ERC1: variants seen among roughly 807,000 people sequenced by gnomAD.
ERC1 encodes the protein RAB6 interacting protein 2.
A neutral mutation model predicts 132.0 loss-of-function variants in ERC1; 56 were observed. The observed-to-expected ratio is 0.42, with a 90% CI of 0.34 to 0.53. The LOEUF (loss-of-function observed/expected upper bound fraction) is 0.53, where lower values mean the gene tolerates loss of function less well. Among genes scored for constraint, ERC1 ranks in the 20% least tolerant of loss-of-function variants. ERC1 has a pLI of 0.03. For synonymous variants in ERC1, 478 were observed against 476.1 expected (o/e 1.00, Z -0.05); for missense variants, 1,202 against 1,349.9 (o/e 0.89, Z 1.72).
chr12:1,262,786 G>C (rs528799093), intron 13 of ERC1, among the ~76,000 whole-genome samples: 1 of 152,296 alleles, frequency 6.6e-6, no homozygotes, highest in East Asian at 1.9e-4. Context: ...CTCTGTTACA[G>C]AGAGCAAATT....
In ERC1 at chr12:1,183,421, G is replaced by A; in HGVS notation, c.2157G>A (p.Lys719=). The A allele has an allele frequency of 6.5e-7, 1 of 1,550,354 alleles. No homozygotes were observed. Among genetic ancestry groups the A allele is most frequent in the Non-Finnish European group, 8.8e-7 (1 of 1,138,750 alleles). Residue 719 remains lysine, a splice_region_variant and synonymous_variant, in exon 11 of 19, where the codon AAG becomes AAA. Coordinates refer to ENST00000360905, the MANE Select transcript of ERC1 (RefSeq NM_178040.4). ...TGAAAATGGAATCACAATTGAAAAA[G>A]GTTAAAGAAAAAATTTCACATTTTT... ...ECLKMESQLK[K]AHEAALEARA... is the part of the protein sequence containing the mutation.
At chr12:1,364,611 CTCTG>C (rs2086478486) in intron 15 of ERC1, among the ~76,000 whole-genome samples, 1 of 152,214 alleles carries the variant, frequency 6.6e-6, no homozygotes, top group South Asian at 2.1e-4. Context: ...ACACTTGCCA[CTCTG>C]TCTTTCTTAT....
chr12:1,273,495 A>G (rs938412777), intron 14 of ERC1, among the ~76,000 whole-genome samples: 7 of 152,226 alleles, frequency 4.6e-5, no homozygotes, highest in Admixed American at 3.9e-4. Context: ...AAACCTCTGT[A>G]GTCTTTATAG....
Position 1,035,160 on chromosome 12 carries a change from C to T in ERC1, c.669+6588C>T, listed in dbSNP as rs1306825268. 5.3e-5 allele frequency among the ~76,000 whole-genome samples: 8 copies of T among 152,202 alleles called. No homozygotes were observed. The South Asian group carries it at 6.2e-4, about 12-fold the overall frequency. ...CAGCCAGCAGTGGGGCCTAATTAAA[C>T]TCTGCATTCATTATACCCTCCATAG... On this transcript the variant is annotated intron_variant, in intron 2 of 18. Transcript: ENST00000360905.
rs1413036993 is a variant in ERC1, at chr12:1,424,851, TA to T, written c.3024+16605del. Among the ~76,000 whole-genome samples, 415 of 122,256 alleles carry T rather than the reference TA, an allele frequency of 3.4e-3. 1 individual carries two copies. The highest frequency in any genetic ancestry group is 9.5e-3 in the African/African-American group (238 of 24,970). The allele number at this position is 122,256 out of a possible 152,430, so 80.2% of individuals were successfully genotyped here. ...GATAGATAGATAGATAGATGATAGA[TA>T]GATAGATAGATCGATAGATAGATAG... On this transcript the variant is annotated intron_variant, in intron 17 of 18. Coordinates refer to ENST00000360905, the MANE Select transcript of ERC1 (RefSeq NM_178040.4).
intron 2 of ERC1, among the ~76,000 whole-genome samples, chr12:1,075,294 G>T (rs10848433): frequency 0.48 from 72,969 of 151,946 alleles, 20,524 homozygotes; most frequent in East Asian, 0.79. Context: ...TTGACCAGGG[G>T]CCTGATAACA....
chr12:1,457,526 A>C (rs2057801), intron 18 of ERC1, among the ~76,000 whole-genome samples: 1 of 151,962 alleles, frequency 6.6e-6, no homozygotes, highest in Admixed American at 6.5e-5. Context: ...TTGCTACTCA[A>C]ATATCTAATA....
At chr12:1,266,055 T>G (rs986221300) in intron 14 of ERC1, among the ~76,000 whole-genome samples, 30 of 152,316 alleles carry the variant, frequency 2.0e-4, no homozygotes, top group Admixed American at 5.9e-4. Context: ...TCAGCTCATT[T>G]GGGTAAATAA....
rs562856282 is a variant in ERC1, at chr12:1,128,045, G to T, written c.1569+12012G>T. ...TGGAGAAAGGTCTCTCATCATGCAGGTTTGAGTTTGAATAGACATAACTGC... is the reference window on the plus strand; with the variant it reads ...TGGAGAAAGGTCTCTCATCATGCAGTTTTGAGTTTGAATAGACATAACTGC... On this transcript the variant is annotated intron_variant, in intron 7 of 18. Transcript: ENST00000360905. Among the ~76,000 whole-genome samples the T allele has an allele frequency of 5.3e-5, 8 of 152,306 alleles. No individual in the cohort carries two copies. In the South Asian group the frequency reaches 6.2e-4, roughly 12 times the overall value.
intron 2 of ERC1, among the ~76,000 whole-genome samples, chr12:1,054,721 A>G (rs1972626787): frequency 6.6e-6 from 1 of 152,160 alleles, no homozygotes; most frequent in African/African-American, 2.4e-5. Flanking sequence ...AGCATTGTCT[A>G]ATCAGTCTGT....
intron 12 of ERC1, among the ~76,000 whole-genome samples, chr12:1,192,648 G>A (rs1175870588): frequency 1.3e-5 from 2 of 152,078 alleles, no homozygotes; most frequent in Non-Finnish European, 2.9e-5. Flanking sequence ...TTCATGCCAG[G>A]TTTCTGTCCC....
chr12:1,429,460 C>T (rs150164949), intron 17 of ERC1, among the ~76,000 whole-genome samples: 220 of 152,280 alleles, frequency 1.4e-3, no homozygotes, highest in Non-Finnish European at 2.5e-3. Context: ...ACATCTGAAT[C>T]CTCAAGTTCA....
intron 1 of ERC1, among the ~76,000 whole-genome samples, chr12:1,018,903 T>C (rs967342421): frequency 6.6e-6 from 1 of 152,140 alleles, no homozygotes; most frequent in Non-Finnish European, 1.5e-5. Context: ...TTGTGTAGGA[T>C]TGTGACTGTT....
chr12:1,296,401 CTTTTTTTTTTTTTTTTT>C (rs57458560), intron 15 of ERC1, among the ~76,000 whole-genome samples: 1 of 76,206 alleles, frequency 1.3e-5, no homozygotes, highest in African/African-American at 5.7e-5. Context: ...ATTGGATAGT[CTTTTTTTTTTTTTTTTT>C]TTTTTTTTTT....
chr12:1,121,674 TC>T (rs1198708823), intron 7 of ERC1, among the ~76,000 whole-genome samples: 1 of 6,028 alleles, frequency 1.7e-4, no homozygotes, highest in Non-Finnish European at 5.9e-4. Flanking sequence ...TATCTCTATC[TC>T]TATCTATCTC....
chr12:1,127,257 G>A (rs936611028), intron 7 of ERC1, among the ~76,000 whole-genome samples: 2 of 152,156 alleles, frequency 1.3e-5, no homozygotes, highest in African/African-American at 4.8e-5. Flanking sequence ...AATGACGTAG[G>A]TGGTTTCAGT....
At chr12:1,149,607 C>A (rs570837755) in intron 8 of ERC1, among the ~76,000 whole-genome samples, 38 of 152,144 alleles carry the variant, frequency 2.5e-4, no homozygotes, top group African/African-American at 8.7e-4. Context: ...CCATGTTGGC[C>A]AGGCTGGTCT....
chr12:1,358,230 A>G (rs1233897264), intron 15 of ERC1, among the ~76,000 whole-genome samples: 1 of 148,938 alleles, frequency 6.7e-6, no homozygotes, highest in East Asian at 2.0e-4. Flanking sequence ...AAAAAAAAAA[A>G]CACTAAACTT....
At chr12:1,359,116 G>A (rs921005396) in intron 15 of ERC1, among the ~76,000 whole-genome samples, 3 of 152,160 alleles carry the variant, frequency 2.0e-5, no homozygotes, top group African/African-American at 4.8e-5. Context: ...TTTGACCAAG[G>A]TGGGGAAAGA....
Sources: allele counts gnomAD v4.1 joint callset (sites outside exome capture counted in the v4.1 genomes callset), GRCh38; gene constraint gnomAD v4.1.1; transcripts MANE v1.5; gene names NCBI Gene and HGNC (gene_info 2026-07-23, HGNC 2026-07-21).